Variants in ASCC2 observed in about 807,000 individuals in gnomAD.
ASCC2 encodes the protein ASC-1 complex subunit P100.
In ASCC2, 42 loss-of-function variants were observed where a neutral mutation model predicts 93.5. That is an observed-to-expected ratio of 0.45 (90% CI 0.35 to 0.58). The LOEUF is 0.58. ASCC2 is among the 20% of genes least tolerant of loss of function. The probability of loss-of-function intolerance (pLI) is 0.00; values close to 1 mark genes in which losing one functional copy is unlikely to be tolerated. For missense variants in ASCC2, 859 were observed against 977.6 expected (o/e 0.88, Z 1.62); for synonymous variants, 364 against 384.2 (o/e 0.95, Z 0.62).
intron 15 of ASCC2, chr22:29,799,121 T>C (rs368912106): frequency 6.6e-6 from 1 of 152,282 alleles, no homozygotes; most frequent in African/African-American, 2.4e-5. Flanking sequence ...TACAATACCA[T>C]GGGCCCTGGA....
At chr22:29,833,105 G>A (rs1241222364) in intron 1 of ASCC2, among the ~76,000 whole-genome samples, 2 of 152,114 alleles carry the variant, frequency 1.3e-5, no homozygotes, top group African/African-American at 4.8e-5. Flanking sequence ...AGAAGTACTG[G>A]CTAAAAATAT....
In ASCC2 at chr22:29,822,585, T is replaced by C. The variant is rs17711479; in HGVS notation, c.412-121A>G. ...ATGGGGACTGGTTAATGATGCCTTA[T>C]GCATAGACCTGGAGCAATGGCCATT... On this transcript the variant is annotated intron_variant, in intron 4 of 19. Transcript: ENST00000307790. 7.5e-3 allele frequency: 8,682 copies of C among 1,159,908 alleles called. 45 individuals are homozygous for C. The highest frequency in any genetic ancestry group is 0.011 in the Middle Eastern group (37 of 3,342). The allele number at this position is 1,159,908 out of a possible 1,614,324, so 71.9% of individuals were successfully genotyped here. A position where few individuals can be genotyped will look rare whatever the true frequency, so the allele number is the denominator to read the frequency against.
intron 5 of ASCC2, among the ~76,000 whole-genome samples, chr22:29,820,854 C>T (rs942334959): frequency 9.6e-5 from 14 of 145,316 alleles, no homozygotes; most frequent in Admixed American, 2.9e-4. Context: ...TGCGGTGGGC[C>T]GAGATTGCAC....
In ASCC2 at chr22:29,825,409, TA is replaced by T; in HGVS notation, c.241-153del. ...AAGGAGGTATGAATGAGCCAAGGGC[TA>T]AACACAAGATTCTAAAATTGACACT... On this transcript the variant is annotated intron_variant, in intron 3 of 19. Transcript: ENST00000307790. The surrounding 1 kb of genome is among the most constrained non-coding windows in gnomAD (Gnocchi z 4.9). The T allele has an allele frequency of 8.5e-7, 1 of 1,180,414 alleles. No individual in the cohort carries two copies. Among genetic ancestry groups the T allele is most frequent in the Non-Finnish European group, 1.2e-6 (1 of 841,820 alleles). The allele number at this position is 1,180,414 out of a possible 1,614,324, so 73.1% of individuals were successfully genotyped here.
At chr22:29,799,162 T>A (rs1445243350) in intron 15 of ASCC2, 1 of 152,268 alleles carries the variant, frequency 6.6e-6, no homozygotes, top group African/African-American at 2.4e-5. Context: ...AAAGGCCATA[T>A]CCAGAGATGG....
Position 29,825,144 on chromosome 22 carries a change from G to A in ASCC2, c.354C>T (p.Arg118=). 6.4e-7 allele frequency: 1 copy of A among 1,550,408 alleles called. No individual in the cohort carries two copies. The highest frequency in any genetic ancestry group is 8.7e-7 in the Non-Finnish European group (1 of 1,149,928). ...AGGTGAGAAAAACACTTCGATGGAG[G>A]CGCTTCTGCATGTCAACAACCTCAG... ...SAPEVVDMQK[R]LHRSVFLTFL... The change falls in exon 4 of 20, where the codon CGC becomes CGT. Residue 118 remains arginine, a synonymous_variant. Transcript: ENST00000307790. This position sits in a 1 kb window ranked among gnomAD's most constrained non-coding sequence, Gnocchi z 4.9.
chr22:29,818,802 C>T (rs908629527), intron 5 of ASCC2, among the ~76,000 whole-genome samples: 21 of 152,136 alleles, frequency 1.4e-4, no homozygotes, highest in Non-Finnish European at 2.9e-5. Context: ...AACCTCACCT[C>T]TACCCAAAGC....
intron 5 of ASCC2, 146 bp from the exon 6 acceptor site, chr22:29,816,219 T>C: frequency 7.1e-6 from 5 of 703,280 alleles, no homozygotes; most frequent in Middle Eastern, 6.1e-4. Context: ...GGACGAGTCC[T>C]GGCCCCAGGC....
Position 29,813,605 on chromosome 22 carries a change from C to A in ASCC2, c.721-63G>T, listed in dbSNP as rs1265699253. ...TCCACACATACAGATCTGCAGAGCA[C>A]CTGAGACAACATTAAAACAGTCAGG... On this transcript the variant is annotated intron_variant, in intron 7 of 19. Coordinates refer to ENST00000307790, the MANE Select transcript of ASCC2 (RefSeq NM_032204.5). The A allele has an allele frequency of 3.7e-6, 4 of 1,092,634 alleles. No homozygotes were observed. The Admixed American group carries it at 5.8e-5, about 16-fold the overall frequency. The allele number at this position is 1,092,634 out of a possible 1,614,324, so 67.7% of individuals were successfully genotyped here.
intron 4 of ASCC2, among the ~76,000 whole-genome samples, chr22:29,824,114 A>G (rs1336084465): frequency 2.6e-5 from 4 of 152,154 alleles, no homozygotes; most frequent in Non-Finnish European, 5.9e-5. Flanking sequence ...CCTTGAGCTC[A>G]GGAGTTTGAG....
chr22:29,827,970 CA>C lies in ASCC2; in HGVS notation c.82-2191del, dbSNP rs1286767878. Reference sequence around the variant, plus strand: ...TCTGACACACACACACACACACACACACACACACACCCCTGAGATTCTACTT... The same window carrying C: ...TCTGACACACACACACACACACACACCACACACACCCCTGAGATTCTACTT... On this transcript the variant is annotated intron_variant, in intron 2 of 19. Transcript: ENST00000307790. Among the ~76,000 whole-genome samples the C allele has an allele frequency of 6.6e-5, 10 of 151,856 alleles. 1 individual carries two copies. Among genetic ancestry groups the C allele is most frequent in the African/African-American group, 2.2e-4 (9 of 41,282 alleles).
At chr22:29,817,074 G>A (rs2060948311) in intron 5 of ASCC2, among the ~76,000 whole-genome samples, 1 of 152,184 alleles carries the variant, frequency 6.6e-6, no homozygotes. Context: ...AGATGGGGCT[G>A]GGTGAGTAAG....
chr22:29,798,169 T>C (rs2058660086), intron 15 of ASCC2, among the ~76,000 whole-genome samples: 1 of 152,214 alleles, frequency 6.6e-6, no homozygotes, highest in Non-Finnish European at 1.5e-5. Flanking sequence ...GGCTATGATA[T>C]ACCTGTAGCA....
Position 29,825,364 on chromosome 22 carries a change from C to T in ASCC2, c.241-107G>A. ...CCCATCAGCCCTGCCCTATTCCAAA[C>T]ACTCCGACCCCAAGGGACCAAGGAG... On this transcript the variant is annotated intron_variant, in intron 3 of 19. Coordinates refer to ENST00000307790, the MANE Select transcript of ASCC2 (RefSeq NM_032204.5). This position sits in a 1 kb window ranked among gnomAD's most constrained non-coding sequence, Gnocchi z 4.9. 2 of 1,374,500 alleles carry T rather than the reference C, an allele frequency of 1.5e-6. No individual in the cohort carries two copies. Among genetic ancestry groups the T allele is most frequent in the East Asian group, 2.3e-5 (1 of 43,012 alleles). The allele number at this position is 1,374,500 out of a possible 1,614,324, so 85.1% of individuals were successfully genotyped here.
At chr22:29,792,353 T>C (rs1056913995) in intron 18 of ASCC2, 80 bp downstream of exon 18, 25 of 1,580,032 alleles carry the variant, frequency 1.6e-5, no homozygotes, top group Admixed American at 8.6e-5. Flanking sequence ...GGGCCAGACA[T>C]AGGGAGGGGT....
chr22:29,838,132 C>A (rs753026674), intron 1 of ASCC2, 46 bp downstream of exon 1: 1 of 460,066 alleles, frequency 2.2e-6, no homozygotes, highest in South Asian at 1.5e-5. Flanking sequence ...GCGGCTCCTC[C>A]GGGGTCCCTT....
rs144341258 is a variant in ASCC2 at position 29,821,559 on chromosome 22, A to G, written c.541+776T>C. On this transcript the variant is annotated intron_variant, in intron 5 of 19. Transcript: ENST00000307790. ...GCTGTGAGGATCCAATTGACATAAC[A>G]TATGTGGAGTGCTTGGCAGAATGCC... Among the ~76,000 whole-genome samples the G allele has an allele frequency of 1.5e-3, 222 of 152,350 alleles. 5 individuals carry two copies. The highest frequency in any genetic ancestry group is 8.8e-5 in the Non-Finnish European group (6 of 68,028).
chr22:29,790,649 GC>G, intron 18 of ASCC2, 101 bp from the exon 19 acceptor site: 1 of 1,216,926 alleles, frequency 8.2e-7, no homozygotes, highest in Non-Finnish European at 1.2e-6. Flanking sequence ...ATGCCTCCAT[GC>G]CAGGTGTGGG....
chr22:29,831,840 A>T (rs2063190776), intron 2 of ASCC2, among the ~76,000 whole-genome samples: 1 of 152,208 alleles, frequency 6.6e-6, no homozygotes, highest in Non-Finnish European at 1.5e-5. Flanking sequence ...CTCTGAAATC[A>T]GCGTTCCCAC....
Sources: gnomAD v4.1 joint callset for allele counts (sites outside exome capture counted in the v4.1 genomes callset) on GRCh38, gnomAD v4.1.1 for gene constraint, Gnocchi (gnomAD v3.1) non-coding constraint, MANE v1.5 for transcripts, NCBI Gene and HGNC (gene_info 2026-07-23, HGNC 2026-07-21) for gene names.